Variants in TRAK1 observed in about 807,000 individuals in gnomAD.
TRAK1 encodes trafficking kinesin-binding protein 1.
Under a neutral mutation model 92.1 loss-of-function variants are expected in TRAK1, and 33 were observed. The ratio of observed to expected loss-of-function variants is 0.36; its 90% CI spans 0.27 to 0.48. The LOEUF is 0.48. Ranked by LOEUF, TRAK1 falls within the 20% of genes least tolerant of loss-of-function variation. The pLI is 0.99. For missense variants in TRAK1, 1,123 were observed against 1,257.9 expected (o/e 0.89, Z 1.62); for synonymous variants, 521 against 517.3 (o/e 1.01, Z -0.10).
At chr3:42,209,281 C>A (rs1032812922) in intron 13 of TRAK1, among the ~76,000 whole-genome samples, 3 of 152,094 alleles carry the variant, frequency 2.0e-5, no homozygotes, top group African/African-American at 7.2e-5. Flanking sequence ...TGCTGTTGGT[C>A]GTGGGCTTGG....
rs890913103 is a variant in TRAK1 at position 42,025,824 on chromosome 3, C to T, written c.-519+11707C>T. On this transcript the variant is annotated intron_variant, in intron 1 of 16. Transcript: ENST00000487159. ...TGCTATTATTAGGGCTTTTAAAGTCCGTGGCAGATGTTCTTAGGCGGTGTT... is the reference window on the plus strand; with the variant it reads ...TGCTATTATTAGGGCTTTTAAAGTCTGTGGCAGATGTTCTTAGGCGGTGTT... Among the ~76,000 whole-genome samples the T allele has an allele frequency of 4.6e-5, 7 of 152,156 alleles. No individual in the cohort carries two copies. The South Asian group carries it at 8.3e-4, about 18-fold the overall frequency.
chr3:42,191,633 C>T lies in TRAK1; in HGVS notation c.766C>T (p.Leu256=), dbSNP rs759876763. The change falls in exon 7 of 16, where the codon CTG becomes TTG. Residue 256 remains leucine (L), a synonymous_variant. Transcript: ENST00000327628. ...QQLVNDCVKE[L]RDANVQIASI... is the part of the protein sequence containing the mutation. ...GCTGGTCAATGACTGCGTGAAGGAG[C>T]TGAGTATGTCCCCGCACTGCTGTCT... is the stretch of plus-strand genomic sequence containing the variant. 6.3e-7 allele frequency: 1 copy of T among 1,599,234 alleles called. No homozygotes were observed. The highest frequency in any genetic ancestry group is 8.5e-7 in the Non-Finnish European group (1 of 1,172,620).
intron 1 of TRAK1, among the ~76,000 whole-genome samples, chr3:42,044,043 G>T (rs1453694464): frequency 6.6e-6 from 1 of 152,224 alleles, no homozygotes; most frequent in Non-Finnish European, 1.5e-5. Flanking sequence ...CTTTCAGGTG[G>T]CCCAAGGCAC....
At chr3:42,037,186 T>C (rs776268830) in intron 1 of TRAK1, among the ~76,000 whole-genome samples, 27 of 152,170 alleles carry the variant, frequency 1.8e-4, no homozygotes, top group Non-Finnish European at 2.9e-4. Context: ...AAATGTGCTA[T>C]TGTTGTAGTG....
intron 1 of TRAK1, among the ~76,000 whole-genome samples, chr3:42,098,713 T>G (rs905619713): frequency 3.9e-5 from 6 of 152,198 alleles, no homozygotes; most frequent in Admixed American, 3.3e-4. Flanking sequence ...CTCTGCTACC[T>G]TCTATCATGG....
At chr3:42,179,561 T>C (rs903479192) in intron 3 of TRAK1, among the ~76,000 whole-genome samples, 1 of 152,228 alleles carries the variant, frequency 6.6e-6, no homozygotes, top group African/African-American at 2.4e-5. Context: ...TTAGTCATGC[T>C]TTTTATCCTG....
chr3:42,198,407 C>T lies in TRAK1; in HGVS notation c.1114-770C>T, dbSNP rs1224913048. On this transcript the variant is annotated intron_variant, in intron 10 of 15. Transcript: ENST00000327628. ...AAAGACTTACTGTGTTTGGTGTCTG[C>T]TTCAGAAAAAAATGTGAGATTCCTA... Among the ~76,000 whole-genome samples the T allele has an allele frequency of 2.0e-5, 3 of 152,226 alleles. No individual in the cohort carries two copies. The East Asian group carries it at 5.8e-4, about 29-fold the overall frequency.
chr3:42,043,059 T>C lies in TRAK1; in HGVS notation c.-519+28942T>C, dbSNP rs114728666. On this transcript the variant is annotated intron_variant, in intron 1 of 16. Transcript: ENST00000487159. ...GGAGTTTGATCCTGGGGACTCTGAC[T>C]TTAGAGTTCTTGCTGATCTTTCCTC... Among the ~76,000 whole-genome samples the C allele has an allele frequency of 2.7e-3, 406 of 152,268 alleles. 3 individuals carry two copies. The highest frequency in any genetic ancestry group is 8.4e-3 in the African/African-American group (350 of 41,544).
chr3:42,223,131 C>T lies in TRAK1; in HGVS notation c.2256C>T (p.Ala752=), dbSNP rs768842799. The stretch of plus-strand genomic sequence containing the variant: ...TGAAGGAGCGGGGCATTTCTGCTGC[C>T]GTGTACGACCCCCAGAGCTGGGACA... The part of the protein sequence containing the change: ...WLLKERGISA[A]VYDPQSWDRA... The change falls in exon 16 of 16, where the codon GCC becomes GCT. Residue 752 remains alanine, a synonymous_variant. Coordinates refer to ENST00000327628, the MANE Select transcript of TRAK1 (RefSeq NM_001042646.3). The surrounding 1 kb of genome is among the most constrained non-coding windows in gnomAD (Gnocchi z 6.1). 8.7e-6 allele frequency: 14 copies of T among 1,614,094 alleles called. No individual in the cohort carries two copies. The highest frequency in any genetic ancestry group is 6.7e-5 in the East Asian group (3 of 44,870).
chr3:42,149,460 G>A lies in TRAK1; in HGVS notation c.286+23846G>A, dbSNP rs994215401. 8.2e-5 allele frequency: 126 copies of A among 1,533,280 alleles called. No individual in the cohort carries two copies. In the African/African-American group the frequency reaches 1.3e-3, roughly 16 times the overall value. The allele number at this position is 1,533,280 out of a possible 1,614,324, so 95.0% of individuals were successfully genotyped here. On this transcript the variant is annotated intron_variant, in intron 2 of 15. Transcript: ENST00000327628. ...CTTCTGTCCAGTATTCTGGAAGGGC[G>A]GGGAGGCATGGCAGCGTTTTACTTG...
chr3:42,135,845 G>A lies in TRAK1; in HGVS notation c.286+10231G>A, dbSNP rs566927664. On this transcript the variant is annotated intron_variant, in intron 2 of 15. Transcript: ENST00000327628. ...TGCTTTGGCTGTTGCCTCTCTGCAG[G>A]TGATGGCTACGTTTCTCTCTACTGC... 2.6e-5 allele frequency among the ~76,000 whole-genome samples: 4 copies of A among 152,294 alleles called. No individual in the cohort carries two copies. In the South Asian group the frequency reaches 8.3e-4, roughly 32 times the overall value.
chr3:42,025,277 G>A (rs1426914860), intron 1 of TRAK1, among the ~76,000 whole-genome samples: 3 of 152,190 alleles, frequency 2.0e-5, no homozygotes, highest in Admixed American at 6.5e-5. Flanking sequence ...CCCTGGCAAC[G>A]AGGCACGCTG....
At position 42,018,947 on chromosome 3, in the gene TRAK1, C is replaced by T. The variant is rs868217419; in HGVS notation, c.-519+4830C>T. Among the ~76,000 whole-genome samples, 6 of 152,144 alleles carry T rather than the reference C, an allele frequency of 3.9e-5. 1 individual carries two copies. In the Middle Eastern group the frequency reaches 0.01, roughly 259 times the overall value. ...GACCATCCTGGCCAACATGGTGAAACCCCGTCTCTATTAAAAATACAAAAA... is the reference window on the plus strand; with the variant it reads ...GACCATCCTGGCCAACATGGTGAAATCCCGTCTCTATTAAAAATACAAAAA... On this transcript the variant is annotated intron_variant, in intron 1 of 16. Coordinates refer to the TRAK1 transcript ENST00000487159.
chr3:42,214,246 C>T (rs567517628), intron 14 of TRAK1, among the ~76,000 whole-genome samples: 3 of 152,108 alleles, frequency 2.0e-5, no homozygotes, highest in Non-Finnish European at 2.9e-5. Context: ...GAGGGAGCAC[C>T]CTGTGTTGAG....
At chr3:42,098,997 C>T (rs1221205342) in intron 1 of TRAK1, among the ~76,000 whole-genome samples, 3 of 151,208 alleles carry the variant, frequency 2.0e-5, no homozygotes, top group Non-Finnish European at 4.4e-5. Flanking sequence ...CTGGGGGTCT[C>T]CATGGAATAG....
At chr3:42,096,897 A>G (rs1706011475) in intron 1 of TRAK1, among the ~76,000 whole-genome samples, 2 of 152,258 alleles carry the variant, frequency 1.3e-5, no homozygotes, top group Non-Finnish European at 2.9e-5. Context: ...AGTGTGCAAC[A>G]AGAAAAATGC....
intron 2 of TRAK1, among the ~76,000 whole-genome samples, chr3:42,136,747 T>C (rs981701084): frequency 6.6e-6 from 1 of 152,100 alleles, no homozygotes; most frequent in African/African-American, 2.4e-5. Flanking sequence ...CAGTGGCGTG[T>C]TCTTGGCTCA....
chr3:42,203,606 T>A, intron 13 of TRAK1: 1 of 985,252 alleles, frequency 1.0e-6, no homozygotes, highest in Non-Finnish European at 1.2e-6. Flanking sequence ...TTTACTCCTT[T>A]AGTTTGGAAA....
rs374768066 is a variant in TRAK1 at position 42,204,256 on chromosome 3, C to G, written c.1744+1504C>G. ...GATCATTGGAATTTATCATCTCTGT[C>G]TTGTCTGCTTTCTATATTTGACTCT... On this transcript the variant is annotated intron_variant, in intron 13 of 15. Transcript: ENST00000327628. 160 of 985,072 alleles carry G rather than the reference C, an allele frequency of 1.6e-4. No individual in the cohort carries two copies. The South Asian group carries it at 3.0e-3, about 18-fold the overall frequency. The allele number at this position is 985,072 out of a possible 1,614,324, so 61.0% of individuals were successfully genotyped here.
Sources: allele counts gnomAD v4.1 joint callset (sites outside exome capture counted in the v4.1 genomes callset), GRCh38; gene constraint gnomAD v4.1.1; non-coding constraint Gnocchi (gnomAD v3.1); transcripts MANE v1.5; gene names NCBI Gene and HGNC (gene_info 2026-07-23, HGNC 2026-07-21).